ABCG2: variants seen among roughly 807,000 people sequenced by gnomAD.
ABCG2 encodes broad substrate specificity ATP-binding cassette transporter ABCG2.
ABCG2 carries 80 observed loss-of-function variants against 73.5 expected under a neutral mutation model. The observed-to-expected ratio is 1.09, with a 90% confidence interval of 0.91 to 1.31. The LOEUF (loss-of-function observed/expected upper bound fraction) is 1.31. ABCG2 is among the 50% of genes most tolerant of loss of function. ABCG2 has a pLI of 0.00. For missense variants in ABCG2, 796 were observed against 786.2 expected (o/e 1.01, Z -0.15); for synonymous variants, 269 against 282.4 (o/e 0.95, Z 0.48).
intron 12 of ABCG2, among the ~76,000 whole-genome samples, chr4:88,098,497 C>T (rs1722138502): frequency 6.6e-6 from 1 of 150,904 alleles, no homozygotes; most frequent in South Asian, 2.1e-4. Flanking sequence ...ATTAAAGAAG[C>T]AGGGATGGGT....
At chr4:88,169,557 T>C (rs149429233) in intron 1 of ABCG2, among the ~76,000 whole-genome samples, 26 of 152,066 alleles carry the variant, frequency 1.7e-4, no homozygotes, top group African/African-American at 6.0e-4. Flanking sequence ...TAGAAAAGAG[T>C]TCTAATGGTC....
At chr4:88,194,655 G>T (rs1221135615) in intron 1 of ABCG2, among the ~76,000 whole-genome samples, 1 of 147,856 alleles carries the variant, frequency 6.8e-6, no homozygotes, top group Non-Finnish European at 1.5e-5. Flanking sequence ...TCTTGAACAT[G>T]AAATAAATAA....
chr4:88,157,428 C>T (rs781085854), intron 1 of ABCG2, among the ~76,000 whole-genome samples: 1 of 152,172 alleles, frequency 6.6e-6, no homozygotes, highest in Non-Finnish European at 1.5e-5. Context: ...CAAATAAAGT[C>T]TGTAGTTTAG....
intron 1 of ABCG2, among the ~76,000 whole-genome samples, chr4:88,179,956 G>A (rs1728166365): frequency 6.6e-6 from 1 of 152,080 alleles, no homozygotes; most frequent in Non-Finnish European, 1.5e-5. Flanking sequence ...AGCCTGAAAG[G>A]GACAAAGCTA....
chr4:88,114,853 C>A (rs1723416869), intron 8 of ABCG2, 104 bp downstream of exon 8: 3 of 667,708 alleles, frequency 4.5e-6, no homozygotes, highest in Non-Finnish European at 5.2e-6. Context: ...CAGAAGACTG[C>A]ATCAACAGAA....
chr4:88,223,735 C>A, intron 1 of ABCG2: 1 of 152,994 alleles, frequency 6.5e-6, no homozygotes, highest in South Asian at 2.0e-4. Flanking sequence ...CTGGGCATTT[C>A]ACATCCCTGA....
intron 1 of ABCG2, among the ~76,000 whole-genome samples, chr4:88,178,320 A>T (rs1728090469): frequency 6.6e-6 from 1 of 152,154 alleles, no homozygotes; most frequent in Non-Finnish European, 1.5e-5. Flanking sequence ...GCCAGAAGGG[A>T]AATTGCTGCC....
rs1020484609 is a variant in ABCG2, at chr4:88,132,041, A to G, written c.264-124T>C. On this transcript the variant is annotated intron_variant, in intron 3 of 15. Coordinates refer to ENST00000237612, the MANE Select transcript of ABCG2 (RefSeq NM_004827.3). ...CTACTTTGAATCCAAATTCTACTTT[A>G]GTTAGAAAATTAACTGGTCAAGAAA... The G allele has an allele frequency of 4.8e-6, 3 of 631,088 alleles. No homozygotes were observed. In the African/African-American group the frequency reaches 5.5e-5, roughly 12 times the overall value. 39.1% of individuals were successfully genotyped at this position (631,088 alleles called of 1,614,324 possible).
intron 2 of ABCG2, among the ~76,000 whole-genome samples, chr4:88,133,419 T>A (rs1725035850): frequency 6.6e-6 from 1 of 152,228 alleles, no homozygotes; most frequent in Non-Finnish European, 1.5e-5. Context: ...TCAAGATATA[T>A]CATTTTCTTC....
At chr4:88,171,274 T>TAAAAAAAA (rs11331423) in intron 1 of ABCG2, among the ~76,000 whole-genome samples, 1 of 129,428 alleles carries the variant, frequency 7.7e-6, no homozygotes. Flanking sequence ...AAGTAAAAGT[T>TAAAAAAAA]AAAAAAAAAA....
At chr4:88,136,883 G>T (rs1473047737) in intron 2 of ABCG2, among the ~76,000 whole-genome samples, 2 of 151,604 alleles carry the variant, frequency 1.3e-5, no homozygotes, top group East Asian at 3.9e-4. Flanking sequence ...GGGCATGGTG[G>T]TGGGCACCTG....
At chr4:88,173,914 T>C (rs35537015) in intron 1 of ABCG2, among the ~76,000 whole-genome samples, 36,124 of 152,108 alleles carry the variant, frequency 0.24, 5,674 homozygotes, top group African/African-American at 0.45. Flanking sequence ...CCAAATAATG[T>C]CCGTATTACT....
chr4:88,117,566 G>A (rs907342572), intron 7 of ABCG2, among the ~76,000 whole-genome samples: 1 of 152,110 alleles, frequency 6.6e-6, no homozygotes, highest in Non-Finnish European at 1.5e-5. Context: ...GAACCCGAGA[G>A]GCAGAGCTTG....
At chr4:88,140,515 G>C (rs1046789326) in intron 1 of ABCG2, among the ~76,000 whole-genome samples, 1 of 152,044 alleles carries the variant, frequency 6.6e-6, no homozygotes, top group African/African-American at 2.4e-5. Flanking sequence ...CCAGCTACTT[G>C]GGAGGCTGAG....
At chr4:88,194,974 A>C (rs1238706027) in intron 1 of ABCG2, among the ~76,000 whole-genome samples, 4 of 152,208 alleles carry the variant, frequency 2.6e-5, no homozygotes, top group Admixed American at 6.5e-5. Context: ...GTTTTAAAGG[A>C]ATCTCTTTGT....
chr4:88,103,644 T>C (rs553412450), intron 10 of ABCG2, among the ~76,000 whole-genome samples: 8 of 152,358 alleles, frequency 5.3e-5, no homozygotes, highest in Non-Finnish European at 8.8e-5. Flanking sequence ...CACCACATTG[T>C]GCAATGTATC....
intron 12 of ABCG2, among the ~76,000 whole-genome samples, chr4:88,098,063 G>A (rs1261821814): frequency 6.6e-6 from 1 of 152,190 alleles, no homozygotes; most frequent in Non-Finnish European, 1.5e-5. Context: ...CATAACCCAA[G>A]CCTCCCCAGA....
chr4:88,128,132 A>G (rs1724567547), intron 5 of ABCG2, among the ~76,000 whole-genome samples: 1 of 152,212 alleles, frequency 6.6e-6, no homozygotes, highest in Non-Finnish European at 1.5e-5. Context: ...GACACTTCTC[A>G]AAAGAAGACA....
At chr4:88,190,762 T>C (rs1728655042) in intron 1 of ABCG2, among the ~76,000 whole-genome samples, 1 of 152,214 alleles carries the variant, frequency 6.6e-6, no homozygotes, top group Admixed American at 6.5e-5. Context: ...TAGACTTTTT[T>C]CCCACAAGTA....
Sources: allele counts gnomAD v4.1 joint callset (sites outside exome capture counted in the v4.1 genomes callset), GRCh38; gene constraint gnomAD v4.1.1; transcripts MANE v1.5; gene names NCBI Gene and HGNC (gene_info 2026-07-23, HGNC 2026-07-21).